Variants in FMO3 observed in about 807,000 individuals in gnomAD.
FMO3 encodes the protein flavin containing dimethylaniline monoxygenase 3, also known as flavin-containing monooxygenase 3.
A neutral mutation model predicts 39.4 loss-of-function variants in FMO3; 40 were observed. The ratio of observed to expected loss-of-function variants is 1.02; its 90% CI spans 0.79 to 1.32. The LOEUF (loss-of-function observed/expected upper bound fraction) is 1.32. Ranked by LOEUF, FMO3 falls within the 40% of genes most tolerant of loss-of-function variation. FMO3 has a pLI of 0.00. For synonymous variants in FMO3, 219 were observed against 228.8 expected, an observed-to-expected ratio of 0.96 and a Z score of 0.39; for missense variants, 680 against 651.8, an observed-to-expected ratio of 1.04 and a Z score of -0.47.
chr1:171,096,071 TTAATATATAA>T (rs1163814596), intron 2 of FMO3, among the ~76,000 whole-genome samples: 1 of 53,670 alleles, frequency 1.9e-5, no homozygotes, highest in Non-Finnish European at 3.0e-5. Flanking sequence ...ATATTATATA[TTAATATATAA>T]TATATATTAA....
intron 1 of FMO3, among the ~76,000 whole-genome samples, chr1:171,091,733 G>A (rs1399990674): frequency 1.3e-5 from 2 of 152,038 alleles, no homozygotes; most frequent in East Asian, 1.9e-4. Context: ...CAGAGTAGCT[G>A]GGACTATAGG....
intron 2 of FMO3, among the ~76,000 whole-genome samples, chr1:171,093,827 CTT>C (rs1228257104): frequency 6.7e-3 from 505 of 75,216 alleles, no homozygotes; most frequent in African/African-American, 0.027. Flanking sequence ...TCACTAATAT[CTT>C]TTTTTTTTTT....
At chr1:171,107,903 T>C (rs1655721402) in intron 4 of FMO3, 66 bp downstream of exon 4, 1 of 1,528,338 alleles carries the variant, frequency 6.5e-7, no homozygotes, top group Non-Finnish European at 9.1e-7. Context: ...TAATGTCTTC[T>C]TTTTTCTAAA....
chr1:171,098,698 G>A (rs549048703), intron 2 of FMO3, among the ~76,000 whole-genome samples: 25 of 152,242 alleles, frequency 1.6e-4, no homozygotes, highest in Non-Finnish European at 2.6e-4. Flanking sequence ...GGGCTGAGAC[G>A]ATGGGGTTTT....
At chr1:171,116,378 A>T in intron 8 of FMO3, 98 bp downstream of exon 8, 1 of 694,882 alleles carries the variant, frequency 1.4e-6, no homozygotes, top group Non-Finnish European at 2.5e-6. Flanking sequence ...ATCCTGAATG[A>T]CATCATTGGA....
intron 2 of FMO3, among the ~76,000 whole-genome samples, chr1:171,093,827 CT>C (rs1228257104): frequency 0.12 from 8,833 of 75,240 alleles, 68 homozygotes; most frequent in African/African-American, 0.14. Context: ...TCACTAATAT[CT>C]TTTTTTTTTT....
At chr1:171,093,855 G>GTTTT (rs1557931121) in intron 2 of FMO3, among the ~76,000 whole-genome samples, 32 of 102,886 alleles carry the variant, frequency 3.1e-4, no homozygotes, top group African/African-American at 4.2e-4. Context: ...TTTTTTTTGA[G>GTTTT]TGGGAGTCTC....
chr1:171,091,263 G>A (rs561708860), intron 1 of FMO3, among the ~76,000 whole-genome samples: 3 of 151,996 alleles, frequency 2.0e-5, no homozygotes, highest in African/African-American at 7.2e-5. Flanking sequence ...AGGTGATATA[G>A]TAAAGGGTTG....
At position 171,114,287 on chromosome 1, in the gene FMO3, G is replaced by A; in HGVS notation, c.1108G>A (p.Gly370Ser). Reference sequence around the variant, plus strand: ...TGAGAAGTCAACCATAGCAGTGATTGGCTTTGTCCAGTCCCTTGGGGCTGC... The same window carrying A: ...TGAGAAGTCAACCATAGCAGTGATTAGCTTTGTCCAGTCCCTTGGGGCTGC... ...LLEKSTIAVI[G>S]FVQSLGAAIP... Residue 370 changes from glycine (G) to serine (S), a missense_variant, in exon 7 of 9, where the codon GGC becomes AGC. By Grantham distance (56) the Gly-to-Ser change is moderately conservative. Transcript: ENST00000367755. The A allele has an allele frequency of 6.2e-7, 1 of 1,613,924 alleles. No individual in the cohort carries two copies. Among genetic ancestry groups the A allele is most frequent in the South Asian group, 1.1e-5 (1 of 91,080 alleles).
In FMO3 at chr1:171,117,667, C is replaced by T; in HGVS notation, c.*225C>T. ...AGCACTAATCATTTCTGTTTGAGTTCCACTAACACTTCAAAATCAGAACTA... is the reference window on the plus strand; with the variant it reads ...AGCACTAATCATTTCTGTTTGAGTTTCACTAACACTTCAAAATCAGAACTA... On this transcript the variant is annotated 3_prime_UTR_variant, in exon 9 of 9. Transcript: ENST00000367755. The T allele has an allele frequency of 2.3e-6, 1 of 441,242 alleles. No individual in the cohort carries two copies. Among genetic ancestry groups the T allele is most frequent in the Non-Finnish European group, 4.0e-6 (1 of 249,316 alleles). The allele number at this position is 441,242 out of a possible 1,614,324, so 27.3% of individuals were successfully genotyped here. A position where few individuals can be genotyped will look rare whatever the true frequency, so the allele number is the denominator to read the frequency against.
intron 2 of FMO3, among the ~76,000 whole-genome samples, chr1:171,102,719 AG>A (rs1286867799): frequency 6.6e-6 from 1 of 152,212 alleles, no homozygotes; most frequent in East Asian, 1.9e-4. Flanking sequence ...GTGTGGCTAA[AG>A]AACCACAACA....
chr1:171,095,302 C>G (rs1024576685), intron 2 of FMO3, among the ~76,000 whole-genome samples: 2 of 152,016 alleles, frequency 1.3e-5, no homozygotes, highest in African/African-American at 4.8e-5. Context: ...CTTCAATGCC[C>G]CTTTGTCCCG....
At chr1:171,092,570 G>A (rs1377628984) in intron 1 of FMO3, 83 bp from the exon 2 acceptor site, 2 of 1,530,502 alleles carry the variant, frequency 1.3e-6, no homozygotes, top group African/African-American at 2.7e-5. Context: ...AAGCCAAAGA[G>A]CGAAATCAAA....
rs1655716684 is a variant in FMO3 at position 171,107,828 on chromosome 1, T to C, written c.475T>C (p.Ser159Pro). 3.1e-6 allele frequency: 5 copies of C among 1,613,756 alleles called. No individual in the cohort carries two copies. The highest frequency in any genetic ancestry group is 1.3e-5 in the African/African-American group (1 of 74,876). ...HHVYPNLPKE[S>P]FPGLNHFKGK... ...TGTGTATCCCAACCTACCAAAAGAG[T>C]CCTTTCCAGGTAAGGCCAAAATTTA... is the stretch of plus-strand genomic sequence containing the variant. The change falls in exon 4 of 9, where the codon TCC (serine) becomes CCC (proline). Residue 159 changes from serine (S) to proline (P), a missense_variant. By Grantham distance (74) the Ser-to-Pro change is moderately conservative. Coordinates refer to ENST00000367755, the MANE Select transcript of FMO3 (RefSeq NM_001002294.3).
chr1:171,101,057 GCT>G (rs745480167), intron 2 of FMO3: 17 of 455,318 alleles, frequency 3.7e-5, no homozygotes, highest in Non-Finnish European at 6.6e-5. Context: ...AAGATGCTAT[GCT>G]CTATCTTTGA....
chr1:171,111,434 T>C (rs1655904135), intron 6 of FMO3, among the ~76,000 whole-genome samples: 1 of 152,116 alleles, frequency 6.6e-6, no homozygotes, highest in African/African-American at 2.4e-5. Flanking sequence ...AGAAGCAGCG[T>C]TCAAAACAAA....
intron 2 of FMO3, among the ~76,000 whole-genome samples, chr1:171,102,553 C>T (rs1655448455): frequency 6.6e-6 from 1 of 152,162 alleles, no homozygotes; most frequent in Non-Finnish European, 1.5e-5. Flanking sequence ...TGGTCATGAG[C>T]TTCCATTTGT....
intron 2 of FMO3, among the ~76,000 whole-genome samples, chr1:171,095,856 A>G (rs1413238358): frequency 2.6e-5 from 1 of 38,456 alleles, no homozygotes; most frequent in African/African-American, 9.4e-5. Flanking sequence ...AATTATATAT[A>G]TAATATAAAT....
In FMO3 at chr1:171,117,457, AGG is replaced by A; in HGVS notation, c.*16_*17del. On this transcript the variant is annotated 3_prime_UTR_variant, in exon 9 of 9. Coordinates refer to ENST00000367755, the MANE Select transcript of FMO3 (RefSeq NM_001002294.3). ...TGTTGACCTAATCATCATTTTCTCT[AGG>A]ATTTCTGAAAGTTACTGACAATACC... 2 of 1,606,702 alleles carry A rather than the reference AGG, an allele frequency of 1.2e-6. No homozygotes were observed. The highest frequency in any genetic ancestry group is 1.7e-6 in the Non-Finnish European group (2 of 1,174,344).
Sources: gnomAD v4.1 joint callset for allele counts (sites outside exome capture counted in the v4.1 genomes callset) on GRCh38, gnomAD v4.1.1 for gene constraint, MANE v1.5 for transcripts, NCBI Gene and HGNC (gene_info 2026-07-23, HGNC 2026-07-21) for gene names.